The following ABCA6 variants were observed in gnomAD, a reference collection of about 807,000 sequenced individuals.
The protein encoded by ABCA6 is ATP-binding cassette sub-family A member 6.
ABCA6 carries 164 observed loss-of-function variants against 191.2 expected under a neutral mutation model. The observed-to-expected ratio is 0.86, with a 90% confidence interval of 0.76 to 0.98. The LOEUF is 0.98. Among genes scored for constraint, ABCA6 ranks in the 50% least tolerant of loss-of-function variants. The probability of loss-of-function intolerance (pLI) is 0.00; values close to 1 mark genes in which losing one functional copy is unlikely to be tolerated. For missense variants in ABCA6, 1,958 were observed against 1,894.1 expected, an observed-to-expected ratio of 1.03 and a Z score of -0.63; for synonymous variants, 636 against 647.7, an observed-to-expected ratio of 0.98 and a Z score of 0.27.
rs751347982 is a variant in ABCA6, at chr17:69,113,737, C to A, written c.1783G>T (p.Val595Leu). ...GIHLKEVEQE[V>L]QRILLELDMQ... ...TCCAATTCCAATAATATTCGTTGTA[C>A]CTATATGAGAAAATACGCAACTTTT... The change falls in exon 14 of 39, where the codon GTA (valine) becomes TTA (leucine). Residue 595 changes from valine (V) to leucine (L), a missense_variant and splice_region_variant. Physicochemically the swap from Val to Leu is conservative, Grantham distance 32. Transcript: ENST00000284425. The A allele has an allele frequency of 6.2e-7, 1 of 1,608,544 alleles. No homozygotes were observed. The highest frequency in any genetic ancestry group is 2.2e-5 in the East Asian group (1 of 44,656).
At chr17:69,082,767 A>G in intron 36 of ABCA6, 106 bp downstream of exon 36, 1 of 1,493,682 alleles carries the variant, frequency 6.7e-7, no homozygotes, top group Non-Finnish European at 9.0e-7. Flanking sequence ...GAGGTCCCTA[A>G]CTTTTATTAT....
At chr17:69,135,525 T>C (rs1461429583) in intron 4 of ABCA6, 1 of 153,724 alleles carries the variant, frequency 6.5e-6, no homozygotes, top group East Asian at 1.9e-4. Flanking sequence ...CACTCTCCCA[T>C]TACATTCCTT....
At position 69,089,466 on chromosome 17, in the gene ABCA6, A is replaced by C; in HGVS notation, c.3605T>G (p.Ile1202Arg). 6.2e-7 allele frequency: 1 copy of C among 1,613,676 alleles called. No homozygotes were observed. The change falls in exon 27 of 39, where the codon ATA becomes AGA. Residue 1202 changes from isoleucine (I) to arginine (R), a missense_variant and splice_region_variant. Transcript: ENST00000284425. ...LSATDFLVCF[I>R]PYFQTLLFVF... ...GCTGAGGTGGAAAGCCCTTCTTACT[A>C]TGAAGCAGACTAGAAAATCAGTGGC...
At chr17:69,099,068 G>C (rs946728978) in intron 22 of ABCA6, among the ~76,000 whole-genome samples, 1 of 151,786 alleles carries the variant, frequency 6.6e-6, no homozygotes, top group Non-Finnish European at 1.5e-5. Flanking sequence ...TCAGTAGCTG[G>C]GTGGATGTGT....
chr17:69,081,125 T>C lies in ABCA6; in HGVS notation c.4637A>G (p.Tyr1546Cys), dbSNP rs1483091987. Residue 1546 changes from tyrosine (Y) to cysteine (C), a missense_variant, in exon 37 of 39, where the codon TAT (tyrosine) becomes TGT (cysteine). By Grantham distance (194) the Tyr-to-Cys change is radical (BLOSUM62 -2). Coordinates refer to ENST00000284425, the MANE Select transcript of ABCA6 (RefSeq NM_080284.3). ...GTAAACGTCTGCCACGGGCAGCTTA[T>C]AGGTTAACAAAGAGGAATACCTGAA... Reference protein sequence around the residue: ...GQERYSSLLTYKLPVADVYPL... With the variant: ...GQERYSSLLTCKLPVADVYPL... 4.4e-6 allele frequency: 7 copies of C among 1,599,810 alleles called. No individual in the cohort carries two copies. The Admixed American group carries it at 1.0e-4, about 24-fold the overall frequency.
At chr17:69,123,658 A>C (rs2073693756) in intron 9 of ABCA6, among the ~76,000 whole-genome samples, 1 of 151,894 alleles carries the variant, frequency 6.6e-6, no homozygotes, top group Non-Finnish European at 1.5e-5. Flanking sequence ...GAATGTGATC[A>C]AAAAAAAGAA....
chr17:69,085,766 C>CATA, intron 30 of ABCA6, 50 bp from the exon 31 acceptor site: 2 of 1,292,198 alleles, frequency 1.5e-6, no homozygotes, highest in Non-Finnish European at 2.2e-6. Context: ...TACTGAACAA[C>CATA]ATAAACCTTT....
At chr17:69,111,167 A>C in intron 16 of ABCA6, 1 of 366,188 alleles carries the variant, frequency 2.7e-6, no homozygotes, top group South Asian at 5.6e-5. Context: ...AAACAAATAT[A>C]TAATGTAAAT....
chr17:69,111,070 T>G, intron 16 of ABCA6, 130 bp from the exon 17 acceptor site: 1 of 790,182 alleles, frequency 1.3e-6, no homozygotes, highest in Non-Finnish European at 1.9e-6. Flanking sequence ...GATGAGTAAA[T>G]ACTAACATGA....
At chr17:69,086,326 C>A (rs2072788456) in intron 30 of ABCA6, among the ~76,000 whole-genome samples, 1 of 152,020 alleles carries the variant, frequency 6.6e-6, no homozygotes, top group African/African-American at 2.4e-5. Flanking sequence ...TAGCTTTATC[C>A]CTTCCATTTA....
At chr17:69,125,188 A>G (rs150640175) in intron 8 of ABCA6, among the ~76,000 whole-genome samples, 153 bp from the exon 9 acceptor site, 15 of 151,962 alleles carry the variant, frequency 9.9e-5, no homozygotes, top group Admixed American at 5.9e-4. Context: ...GGTATTGGTC[A>G]AAATATTTCT....
At chr17:69,100,416 T>C (rs148945390) in intron 22 of ABCA6, among the ~76,000 whole-genome samples, 21 of 152,334 alleles carry the variant, frequency 1.4e-4, no homozygotes, top group African/African-American at 4.8e-4. Context: ...ACTACACATT[T>C]AGTCAATGGA....
chr17:69,118,383 A>T (rs990763963), intron 10 of ABCA6, among the ~76,000 whole-genome samples: 3 of 152,046 alleles, frequency 2.0e-5, no homozygotes, highest in Non-Finnish European at 2.9e-5. Context: ...TCTCTCTAAT[A>T]GTTCCTCTTT....
chr17:69,139,645 C>A (rs916926481), intron 2 of ABCA6, among the ~76,000 whole-genome samples: 8 of 152,236 alleles, frequency 5.3e-5, no homozygotes, highest in South Asian at 4.1e-4. Context: ...GACACATGCA[C>A]ATGTATGTTT....
intron 17 of ABCA6, chr17:69,110,408 G>A (rs780010076): frequency 8.8e-5 from 16 of 181,760 alleles, no homozygotes; most frequent in East Asian, 4.9e-4. Flanking sequence ...TAATGCTCTC[G>A]TAGGCATCCC....
intron 6 of ABCA6, 47 bp from the exon 7 acceptor site, chr17:69,129,798 A>G: frequency 2.9e-6 from 4 of 1,387,876 alleles, no homozygotes; most frequent in Non-Finnish European, 3.9e-6. Flanking sequence ...CTTATTTACA[A>G]AATATTTAAT....
chr17:69,102,969 C>G lies in ABCA6; in HGVS notation c.2741-1G>C, dbSNP rs1048795483. 13 of 1,492,822 alleles carry G rather than the reference C, an allele frequency of 8.7e-6. No homozygotes were observed. The highest frequency in any genetic ancestry group is 1.1e-5 in the Non-Finnish European group (12 of 1,089,236). 92.5% of individuals were successfully genotyped at this position (1,492,822 alleles called of 1,614,324 possible). ...TTTATAAAATCTTCAATATTTGATTCTAATATGAAGTTAATAAGAGAAGGC... is the reference window on the plus strand; with the variant it reads ...TTTATAAAATCTTCAATATTTGATTGTAATATGAAGTTAATAAGAGAAGGC... On this transcript the variant is annotated splice_acceptor_variant, in intron 20 of 38. Transcript: ENST00000284425. LOFTEE classifies it high-confidence loss of function.
rs188089535 is a variant in ABCA6, at chr17:69,105,743, G to T, written c.2574-115C>A. 200 of 877,658 alleles carry T rather than the reference G, an allele frequency of 2.3e-4. 4 individuals are homozygous for T. In the East Asian group the frequency reaches 5.0e-3, roughly 22 times the overall value. 54.4% of individuals were successfully genotyped at this position (877,658 alleles called of 1,614,324 possible). A position where few individuals can be genotyped will look rare whatever the true frequency, so the allele number is the denominator to read the frequency against. ...CTGCCTTATGCCAATCATGATTCTA[G>T]GTGCTAAAATTCTGAAGATAATACC... On this transcript the variant is annotated intron_variant, in intron 19 of 38. Coordinates refer to ENST00000284425, the MANE Select transcript of ABCA6 (RefSeq NM_080284.3).
intron 25 of ABCA6, chr17:69,095,637 T>C (rs559410301): frequency 1.4e-4 from 21 of 152,382 alleles, no homozygotes; most frequent in African/African-American, 4.3e-4. Flanking sequence ...GTTCTTCTCA[T>C]GGATTCAAGA....
Sources: gnomAD v4.1 joint callset for allele counts (sites outside exome capture counted in the v4.1 genomes callset) on GRCh38, gnomAD v4.1.1 for gene constraint, MANE v1.5 for transcripts, NCBI Gene and HGNC (gene_info 2026-07-23, HGNC 2026-07-21) for gene names.